DRD3: variants seen among roughly 807,000 people sequenced by gnomAD.
The protein encoded by DRD3 is dopamine receptor D3.
Under a neutral mutation model 36.3 loss-of-function variants are expected in DRD3, and 19 were observed. The ratio of observed to expected loss-of-function variants is 0.52; its 90% CI spans 0.36 to 0.77. DRD3 has a LOEUF of 0.77. DRD3 is among the 30% of genes least tolerant of loss of function. The pLI is 0.00. For missense variants in DRD3, 465 were observed against 505.3 expected (o/e 0.92, Z 0.77); for synonymous variants, 195 against 203.7 (o/e 0.96, Z 0.36).
chr3:114,178,943 C>T lies in DRD3; in HGVS notation c.-322G>A, dbSNP rs2077928115. ...GGGAGGGACCCTAAACTGAGCGTTG[C>T]TTGGGTCAGCCGCTCAGAGGTTCTG... On this transcript the variant is annotated 5_prime_UTR_variant, in exon 1 of 7. Coordinates refer to ENST00000383673, the MANE Select transcript of DRD3 (RefSeq NM_000796.6). 1 of 152,270 alleles carries T rather than the reference C, an allele frequency of 6.6e-6. No individual in the cohort carries two copies. The highest frequency in any genetic ancestry group is 6.5e-5 in the Admixed American group (1 of 15,296). 9.4% of individuals were successfully genotyped at this position (152,270 alleles called of 1,614,324 possible).
intron 1 of DRD3, among the ~76,000 whole-genome samples, chr3:114,197,252 T>C (rs1041096432): frequency 6.6e-6 from 1 of 150,654 alleles, no homozygotes; most frequent in East Asian, 1.9e-4. Flanking sequence ...TCTAGGACTA[T>C]AGGTGCACTT....
At chr3:114,160,001 G>T in intron 2 of DRD3, 134 bp from the exon 3 acceptor site, 1 of 727,262 alleles carries the variant, frequency 1.4e-6, no homozygotes, top group Admixed American at 2.2e-5. Flanking sequence ...TGTTCCCACA[G>T]GGCAGATGGA....
chr3:114,166,347 A>G (rs150861801), intron 2 of DRD3, among the ~76,000 whole-genome samples: 392 of 152,250 alleles, frequency 2.6e-3, no homozygotes, highest in Non-Finnish European at 4.5e-3. Flanking sequence ...GTGTCCCCCA[A>G]AAGGCATGTG....
At chr3:114,157,580 G>A (rs559575128) in intron 3 of DRD3, among the ~76,000 whole-genome samples, 1 of 152,240 alleles carries the variant, frequency 6.6e-6, no homozygotes, top group South Asian at 2.1e-4. Flanking sequence ...GCCCAGTGTT[G>A]TGCCCTCTGT....
chr3:114,134,262 T>C (rs543956875), intron 5 of DRD3, among the ~76,000 whole-genome samples: 19 of 152,244 alleles, frequency 1.2e-4, no homozygotes, highest in Admixed American at 1.0e-3. Context: ...GTGTTATTTA[T>C]TTATTTATTA....
intron 4 of DRD3, among the ~76,000 whole-genome samples, chr3:114,142,718 T>C (rs1257257770): frequency 6.8e-6 from 1 of 146,768 alleles, no homozygotes; most frequent in East Asian, 2.0e-4. Context: ...GTGCAAGCAT[T>C]TATTTCTCCA....
chr3:114,166,279 C>T (rs2077783844), intron 2 of DRD3, among the ~76,000 whole-genome samples: 1 of 152,120 alleles, frequency 6.6e-6, no homozygotes. Context: ...AGCCACCGTA[C>T]CCGGCCAACA....
At chr3:114,131,056 G>A in intron 6 of DRD3, 62 bp downstream of exon 6, 1 of 1,546,066 alleles carries the variant, frequency 6.5e-7, no homozygotes, top group African/African-American at 1.4e-5. Flanking sequence ...TCTTCTACCA[G>A]CTCCACTTAA....
rs145161199 is a variant in DRD3, at chr3:114,144,127, A to G, written c.526+3288T>C. ...TGGCCAGCCAGGCCCCTGCCTCGGA[A>G]CTCTCTCACCCAAAACCCTGCCTCA... is the stretch of plus-strand genomic sequence containing the variant. On this transcript the variant is annotated intron_variant, in intron 4 of 6. Coordinates refer to ENST00000383673, the MANE Select transcript of DRD3 (RefSeq NM_000796.6). 6.0e-4 allele frequency among the ~76,000 whole-genome samples: 92 copies of G among 152,172 alleles called. 1 individual carries two copies. The highest frequency in any genetic ancestry group is 2.1e-3 in the African/African-American group (88 of 41,526).
At chr3:114,159,206 G>T (rs192965161) in intron 3 of DRD3, among the ~76,000 whole-genome samples, 98 of 152,088 alleles carry the variant, frequency 6.4e-4, no homozygotes, top group African/African-American at 2.2e-3. Flanking sequence ...TACTATACTT[G>T]CTTCTCTAAG....
At chr3:114,189,793 A>AG (rs1335328342) in intron 1 of DRD3, among the ~76,000 whole-genome samples, 2 of 152,212 alleles carry the variant, frequency 1.3e-5, no homozygotes, top group African/African-American at 4.8e-5. Context: ...CCCTGGAAGA[A>AG]GGTGACACTG....
intron 5 of DRD3, among the ~76,000 whole-genome samples, chr3:114,132,990 G>A (rs1163060451): frequency 1.5e-5 from 2 of 136,400 alleles, no homozygotes; most frequent in Non-Finnish European, 3.2e-5. Context: ...AAAACAGTCC[G>A]TATTCTTTTT....
intron 1 of DRD3, among the ~76,000 whole-genome samples, chr3:114,190,258 C>T (rs559115723): frequency 6.6e-6 from 1 of 151,128 alleles, no homozygotes; most frequent in East Asian, 2.0e-4. Context: ...TGAAGCAGCT[C>T]TTTCTTTGCC....
intron 3 of DRD3, among the ~76,000 whole-genome samples, chr3:114,153,139 A>G (rs2077634325): frequency 6.6e-6 from 1 of 152,310 alleles, no homozygotes; most frequent in South Asian, 2.1e-4. Context: ...TCTGCCACTG[A>G]ACTGTGTAGC....
At chr3:114,175,534 G>T (rs2077889829) in intron 1 of DRD3, among the ~76,000 whole-genome samples, 2 of 152,176 alleles carry the variant, frequency 1.3e-5, no homozygotes, top group African/African-American at 4.8e-5. Flanking sequence ...GAGTAATCTA[G>T]CATCTCACTC....
chr3:114,128,535 C>G lies in DRD3; in HGVS notation c.*181G>C. The G allele has an allele frequency of 2.0e-6, 1 of 504,902 alleles. No homozygotes were observed. The highest frequency in any genetic ancestry group is 5.9e-5 in the South Asian group (1 of 16,816). 31.3% of individuals were successfully genotyped at this position (504,902 alleles called of 1,614,324 possible). A position where few individuals can be genotyped will look rare whatever the true frequency, so the allele number is the denominator to read the frequency against. On this transcript the variant is annotated 3_prime_UTR_variant, in exon 7 of 7. Coordinates refer to ENST00000383673, the MANE Select transcript of DRD3 (RefSeq NM_000796.6). ...TTGTCAGAATGAAGTCAGATTTTAG[C>G]TGGGGAGGTAGAATATTCTGTTTTG...
At position 114,179,018 on chromosome 3, in the gene DRD3, C is replaced by G. The variant is rs948834038; in HGVS notation, c.-397G>C. ...AGTAGGCATAGGCAGTATCCGTTTT[C>G]TACCTCGCTCTCTTTTCCTCTTTGT... is the stretch of plus-strand genomic sequence containing the variant. On this transcript the variant is annotated 5_prime_UTR_variant, in exon 1 of 7. Transcript: ENST00000383673. 6.6e-6 allele frequency: 1 copy of G among 152,184 alleles called. No individual in the cohort carries two copies. The highest frequency in any genetic ancestry group is 1.5e-5 in the Non-Finnish European group (1 of 68,038). The allele number at this position is 152,184 out of a possible 1,614,324, so 9.4% of individuals were successfully genotyped here.
At chr3:114,172,076 T>C in intron 1 of DRD3, 49 bp from the exon 2 acceptor site, 1 of 1,313,418 alleles carries the variant, frequency 7.6e-7, no homozygotes, top group Non-Finnish European at 9.8e-7. Context: ...TCTTTGGGGC[T>C]TGGTTGCTTA....
intron 3 of DRD3, 117 bp from the exon 4 acceptor site, chr3:114,147,674 A>G: frequency 8.0e-7 from 1 of 1,243,888 alleles, no homozygotes; most frequent in Non-Finnish European, 1.1e-6. Flanking sequence ...ACCCAGGCAG[A>G]AGTGCAGTGG....
Sources: allele counts gnomAD v4.1 joint callset (sites outside exome capture counted in the v4.1 genomes callset), GRCh38; gene constraint gnomAD v4.1.1; transcripts MANE v1.5; gene names NCBI Gene and HGNC (gene_info 2026-07-23, HGNC 2026-07-21).